FRMPD4: variants seen among roughly 807,000 people sequenced by gnomAD.
FRMPD4 encodes FERM and PDZ domain-containing protein 4.
A neutral mutation model predicts 94.1 loss-of-function variants in FRMPD4; 22 were observed. That is an observed-to-expected ratio of 0.23 (90% CI 0.17 to 0.33). FRMPD4 has a LOEUF of 0.33. FRMPD4 is among the 10% of genes least tolerant of loss of function. The pLI is 1.00. For synonymous variants in FRMPD4, 631 were observed against 548.6 expected (o/e 1.15, Z -2.10); for missense variants, 1,111 against 1,339.9 (o/e 0.83, Z 2.67).
At chrX:11,877,110 C>G (rs1034934032) in intron 2 of FRMPD4, among the ~76,000 whole-genome samples, 1 of 112,351 alleles carries the variant, frequency 8.9e-6, no homozygotes, top group Non-Finnish European at 1.9e-5. Context: ...CTAGTGCCCT[C>G]TGTCTATGGC....
chrX:11,961,459 T>C (rs1366876766), intron 3 of FRMPD4, among the ~76,000 whole-genome samples: 1 of 112,302 alleles, frequency 8.9e-6, no homozygotes, highest in Non-Finnish European at 1.9e-5. Flanking sequence ...AATCTAGAAA[T>C]ATCTCCAGCT....
rs2094605083 is a variant in FRMPD4, at chrX:12,019,958, T to G, written c.95+141940T>G. Among the ~76,000 whole-genome samples, 3 of 112,326 alleles carry G rather than the reference T, an allele frequency of 2.7e-5. No individual in the cohort carries two copies. The Admixed American group carries it at 2.8e-4, about 11-fold the overall frequency. Reference sequence around the variant, plus strand: ...GACAATCTGTGAGATAAGTCCTGTTTGCAGCCTTGTTTTATGTATATAGAA... The same window carrying G: ...GACAATCTGTGAGATAAGTCCTGTTGGCAGCCTTGTTTTATGTATATAGAA... On this transcript the variant is annotated intron_variant, in intron 3 of 18. Transcript: ENST00000640291.
intron 2 of FRMPD4, among the ~76,000 whole-genome samples, chrX:12,564,244 C>A (rs1236771737): frequency 8.9e-6 from 1 of 112,598 alleles, no homozygotes; most frequent in Admixed American, 9.4e-5. Context: ...CTTCAACATA[C>A]CAATTTTGGT....
chrX:11,968,484 GCTA>G (rs778879442), intron 3 of FRMPD4, among the ~76,000 whole-genome samples: 15 of 111,441 alleles, frequency 1.3e-4, no homozygotes, highest in Non-Finnish European at 2.8e-4. Context: ...CTCGTGAACT[GCTA>G]CTGTTTGTAA....
intron 3 of FRMPD4, among the ~76,000 whole-genome samples, chrX:12,086,151 C>T (rs749298249): frequency 2.6e-4 from 29 of 110,167 alleles, no homozygotes; most frequent in Admixed American, 8.8e-4. Context: ...ATTTTACATG[C>T]ACACAAAAGC....
intron 1 of FRMPD4, among the ~76,000 whole-genome samples, chrX:12,275,493 G>A (rs1229234699): frequency 9.0e-6 from 1 of 110,868 alleles, no homozygotes; most frequent in Non-Finnish European, 1.9e-5. Context: ...AGGAGGCAGT[G>A]AGGCTGCCAG....
chrX:12,469,695 T>G (rs2057488362), intron 1 of FRMPD4, among the ~76,000 whole-genome samples: 1 of 112,452 alleles, frequency 8.9e-6, no homozygotes, highest in Non-Finnish European at 1.9e-5. Flanking sequence ...ATACTCAAGA[T>G]GAAGCAAGAT....
At chrX:12,185,365 T>C (rs2056411474) in intron 1 of FRMPD4, among the ~76,000 whole-genome samples, 1 of 111,480 alleles carries the variant, frequency 9.0e-6, no homozygotes, top group South Asian at 3.8e-4. Flanking sequence ...CTATAGACTA[T>C]AGATGCCTCA....
intron 3 of FRMPD4, among the ~76,000 whole-genome samples, chrX:12,021,798 T>C (rs1224612168): frequency 9.8e-5 from 11 of 112,046 alleles, no homozygotes; most frequent in Non-Finnish European, 1.9e-5. Flanking sequence ...GATATTTTCC[T>C]TGGAGCATTT....
At chrX:11,848,540 A>G (rs1217552876) in intron 1 of FRMPD4, among the ~76,000 whole-genome samples, 2 of 99,863 alleles carry the variant, frequency 2.0e-5, no homozygotes, top group Non-Finnish European at 4.0e-5. Context: ...GTCCTCTTGT[A>G]TCTCCTTTGC....
At chrX:12,619,924 C>T (rs1179761453) in intron 4 of FRMPD4, among the ~76,000 whole-genome samples, 1 of 112,648 alleles carries the variant, frequency 8.9e-6, no homozygotes, top group Admixed American at 9.3e-5. Context: ...TAGGAGCAGT[C>T]GTGCCCACCC....
At chrX:11,902,291 T>A (rs753493647) in intron 3 of FRMPD4, among the ~76,000 whole-genome samples, 57 of 112,297 alleles carry the variant, frequency 5.1e-4, no homozygotes, top group African/African-American at 1.8e-3. Flanking sequence ...AGCAGACATT[T>A]TTTTTTCTCA....
At chrX:11,824,343 C>T (rs1170792381) in intron 1 of FRMPD4, among the ~76,000 whole-genome samples, 2 of 111,608 alleles carry the variant, frequency 1.8e-5, no homozygotes, top group Non-Finnish European at 3.8e-5. Flanking sequence ...ATTGAAATAT[C>T]GGAGCCATTA....
At chrX:11,983,487 C>T (rs753653369) in intron 3 of FRMPD4, among the ~76,000 whole-genome samples, 1 of 111,883 alleles carries the variant, frequency 8.9e-6, no homozygotes, top group African/African-American at 3.2e-5. Flanking sequence ...TCAATTTTGC[C>T]CTCCGGATTT....
intron 2 of FRMPD4, among the ~76,000 whole-genome samples, chrX:12,549,884 C>G (rs2058516158): frequency 8.9e-6 from 1 of 112,277 alleles, no homozygotes; most frequent in African/African-American, 3.2e-5. Context: ...GCTCCCAGTT[C>G]AGCATTTTCC....
At chrX:12,402,010 A>C (rs917175674) in intron 1 of FRMPD4, among the ~76,000 whole-genome samples, 7 of 110,953 alleles carry the variant, frequency 6.3e-5, no homozygotes, top group Non-Finnish European at 1.3e-4. Flanking sequence ...GACCACTCTG[A>C]AAGTAGCCAG....
chrX:12,278,857 C>T (rs1487288895), intron 1 of FRMPD4, among the ~76,000 whole-genome samples: 1 of 112,180 alleles, frequency 8.9e-6, no homozygotes, highest in Non-Finnish European at 1.9e-5. Flanking sequence ...CGTTCTATAG[C>T]CTCCCAGAGG....
chrX:12,417,048 C>T (rs956201734), intron 1 of FRMPD4, among the ~76,000 whole-genome samples: 3 of 111,138 alleles, frequency 2.7e-5, no homozygotes, highest in Non-Finnish European at 3.8e-5. Context: ...AGACCTCTTC[C>T]GGGAGGGCGT....
intron 1 of FRMPD4, among the ~76,000 whole-genome samples, chrX:12,213,927 A>G (rs2056779337): frequency 8.9e-6 from 1 of 112,209 alleles, no homozygotes; most frequent in Non-Finnish European, 1.9e-5. Context: ...ATCTTGGCAC[A>G]TATATTTGAC....
Sources: gnomAD v4.1 joint callset for allele counts (sites outside exome capture counted in the v4.1 genomes callset) on GRCh38, gnomAD v4.1.1 for gene constraint, MANE v1.5 for transcripts, NCBI Gene and HGNC (gene_info 2026-07-23, HGNC 2026-07-21) for gene names.